The following ENKUR variants were observed in gnomAD, a reference collection of about 807,000 sequenced individuals.
ENKUR encodes enkurin.
A neutral mutation model predicts 27.6 loss-of-function variants in ENKUR; 19 were observed. That is an observed-to-expected ratio of 0.69 (90% CI 0.48 to 1.01). ENKUR has a LOEUF of 1.01. ENKUR is among the 50% of genes least tolerant of loss of function. ENKUR has a pLI of 0.00. For missense variants in ENKUR, 312 were observed against 310.5 expected, an observed-to-expected ratio of 1.00 and a Z score of -0.04; for synonymous variants, 117 against 96.9, an observed-to-expected ratio of 1.21 and a Z score of -1.22.
intron 2 of ENKUR, chr10:25,024,814 A>G (rs767059147): frequency 1.2e-6 from 2 of 1,614,082 alleles, no homozygotes; most frequent in Non-Finnish European, 1.7e-6. Flanking sequence ...TCGAAAATTT[A>G]TCTGTGCCTC....
chr10:25,018,659 G>GTTTTTTTTTTTTTTTTTTTTTTTTTTTTT (rs374289213), upstream of ENKUR, among the ~76,000 whole-genome samples: 1 of 93,716 alleles, frequency 1.1e-5, no homozygotes, highest in African/African-American at 3.5e-5. Flanking sequence ...AATGAGAGTT[G>GTTTTTTTTTTTTTTTTTTTTTTTTTTTTT]TTTTTTTTTT....
intron 3 of ENKUR, among the ~76,000 whole-genome samples, chr10:24,992,896 A>G (rs568200918): frequency 1.3e-5 from 2 of 152,338 alleles, no homozygotes; most frequent in East Asian, 3.9e-4. Flanking sequence ...TTCAGGAAAC[A>G]CTGAAGGAAA....
rs1305097840 is a variant in ENKUR at position 24,984,780 on chromosome 10, G to A, written c.720C>T (p.Asp240=). The A allele has an allele frequency of 1.2e-6, 2 of 1,613,456 alleles. No individual in the cohort carries two copies. The highest frequency in any genetic ancestry group is 2.2e-5 in the East Asian group (1 of 44,844). ...LEEEMKQLEH[D]IGIIEKHKII... is the part of the protein sequence containing the mutation. ...TCTTGTGCTTTTCAATTATGCCAAT[G>A]TCGTGTTCTAGTTGTTTCATTTCTT... Residue 240 remains aspartate (D), a synonymous_variant, in exon 5 of 6, where the codon GAC becomes GAT. Coordinates refer to ENST00000331161, the MANE Select transcript of ENKUR (RefSeq NM_145010.4).
At chr10:25,011,922 C>T (rs1015512677) in intron 1 of ENKUR, among the ~76,000 whole-genome samples, 1 of 152,236 alleles carries the variant, frequency 6.6e-6, no homozygotes, top group African/African-American at 2.4e-5. Context: ...TCAGAGGTCT[C>T]CACAGCAGCC....
intron 2 of ENKUR, among the ~76,000 whole-genome samples, chr10:25,029,379 A>G (rs985963023): frequency 2.6e-5 from 4 of 152,200 alleles, no homozygotes; most frequent in African/African-American, 9.6e-5. Flanking sequence ...TATGGAAATT[A>G]TAAAATGTTT....
At chr10:24,990,750 G>A (rs1564335641) in intron 3 of ENKUR, 141 bp from the exon 4 acceptor site, 6 of 843,656 alleles carry the variant, frequency 7.1e-6, no homozygotes, top group Non-Finnish European at 6.9e-6. Flanking sequence ...ACAAAATTCA[G>A]TGACTTTTTT....
At chr10:25,015,698 A>C in intron 1 of ENKUR, among the ~76,000 whole-genome samples, 162 bp downstream of exon 1, 1 of 152,184 alleles carries the variant, frequency 6.6e-6, no homozygotes. Flanking sequence ...CTGAATACCT[A>C]GATATTTCGA....
chr10:25,020,790 A>T (rs1453134180), upstream of ENKUR, among the ~76,000 whole-genome samples: 2 of 152,102 alleles, frequency 1.3e-5, no homozygotes, highest in African/African-American at 4.8e-5. Context: ...CTCAGATTAT[A>T]TACAATTATT....
intron 1 of ENKUR, 152 bp from the exon 2 acceptor site, chr10:24,999,698 C>T: frequency 1.4e-6 from 1 of 737,956 alleles, no homozygotes; most frequent in Non-Finnish European, 2.1e-6. Context: ...TGAGCCCTGT[C>T]CATCAGACTT....
rs1850562099 is a variant in ENKUR, at chr10:25,016,038, G to A, written c.-102C>T. ...ACTGCTTCCCCTTTCTTTCTTCTTC[G>A]CCTTCTGAAGGACCACAGGTTCTCT... is the stretch of plus-strand genomic sequence containing the variant. On this transcript the variant is annotated 5_prime_UTR_variant, in exon 1 of 6. Coordinates refer to ENST00000331161, the MANE Select transcript of ENKUR (RefSeq NM_145010.4). 1 of 1,477,970 alleles carries A rather than the reference G, an allele frequency of 6.8e-7. No individual in the cohort carries two copies. The highest frequency in any genetic ancestry group is 2.5e-5 in the East Asian group (1 of 40,794). The allele number at this position is 1,477,970 out of a possible 1,614,324, so 91.6% of individuals were successfully genotyped here.
intron 2 of ENKUR, among the ~76,000 whole-genome samples, chr10:24,997,684 C>T (rs1344599842): frequency 6.6e-6 from 1 of 152,058 alleles, no homozygotes; most frequent in Non-Finnish European, 1.5e-5. Flanking sequence ...CCACTGTGCC[C>T]AGCCCTAATA....
At chr10:25,048,843 G>A (rs1322661612) in intron 2 of ENKUR, among the ~76,000 whole-genome samples, 1 of 145,750 alleles carries the variant, frequency 6.9e-6, no homozygotes, top group Non-Finnish European at 1.5e-5. Flanking sequence ...AGCGATTTGG[G>A]GTAAGAATAA....
intron 2 of ENKUR, chr10:25,023,232 C>T (rs1369550672): frequency 1.2e-6 from 2 of 1,610,842 alleles, no homozygotes; most frequent in Admixed American, 1.7e-5. Context: ...GAATGCTCCA[C>T]TTTAACCGAT....
intron 2 of ENKUR, among the ~76,000 whole-genome samples, chr10:25,056,555 A>C (rs1851258256): frequency 6.6e-6 from 1 of 152,228 alleles, no homozygotes; most frequent in Non-Finnish European, 1.5e-5. Flanking sequence ...GAACGTACTT[A>C]GCGTTTAGAA....
chr10:25,049,032 G>A (rs144698033), intron 2 of ENKUR, among the ~76,000 whole-genome samples: 23 of 152,082 alleles, frequency 1.5e-4, no homozygotes, highest in Non-Finnish European at 2.9e-4. Context: ...CTTTGAAGTC[G>A]TGATGCCTTT....
intron 2 of ENKUR, 37 bp downstream of exon 2, chr10:24,999,364 G>T (rs1850138522): frequency 6.4e-7 from 1 of 1,562,738 alleles, no homozygotes; most frequent in Non-Finnish European, 8.7e-7. Context: ...ACCTGCTAAT[G>T]CTTTTAATAT....
chr10:25,038,463 A>G (rs10828745), intron 2 of ENKUR, among the ~76,000 whole-genome samples: 44,603 of 152,128 alleles, frequency 0.29, 7,167 homozygotes, highest in East Asian at 0.5. Context: ...TAGTGACAGC[A>G]AGCATCCTTC....
Position 25,055,236 on chromosome 10 carries a change from C to T in ENKUR, c.37+5876G>A, listed in dbSNP as rs530501222. ...TTGTGACTTCATTTCAATTTAAATG[C>T]GAAGTGTCAAGTTTATTTTACATTG... is the stretch of plus-strand genomic sequence containing the variant. On this transcript the variant is annotated intron_variant, in intron 2 of 5. Coordinates refer to the ENKUR transcript ENST00000615958. Among the ~76,000 whole-genome samples, 7 of 151,734 alleles carry T rather than the reference C, an allele frequency of 4.6e-5. No homozygotes were observed. In the South Asian group the frequency reaches 1.2e-3, roughly 27 times the overall value.
At chr10:25,041,902 A>C (rs1253994526) in intron 2 of ENKUR, among the ~76,000 whole-genome samples, 1 of 152,214 alleles carries the variant, frequency 6.6e-6, no homozygotes, top group Non-Finnish European at 1.5e-5. Context: ...GAAACAAAAA[A>C]TGCATGACAA....
Sources: allele counts gnomAD v4.1 joint callset (sites outside exome capture counted in the v4.1 genomes callset), GRCh38; gene constraint gnomAD v4.1.1; transcripts MANE v1.5; gene names NCBI Gene and HGNC (gene_info 2026-07-23, HGNC 2026-07-21).